The following CUX1 variants were observed in gnomAD, a reference collection of about 807,000 sequenced individuals.
The protein encoded by CUX1 is protein CASP.
CUX1 carries 31 observed loss-of-function variants against 158.8 expected under a neutral mutation model. The observed-to-expected ratio is 0.20, with a 90% CI of 0.15 to 0.26. The LOEUF (loss-of-function observed/expected upper bound fraction) is 0.26. Ranked by LOEUF, CUX1 falls within the 10% of genes least tolerant of loss-of-function variation. The probability of loss-of-function intolerance (pLI) is 1.00; values close to 1 mark genes in which losing one functional copy is unlikely to be tolerated. For missense variants in CUX1, 1,589 were observed against 2,014.6 expected (o/e 0.79, Z 4.04); for synonymous variants, 879 against 862.1 (o/e 1.02, Z -0.34).
intron 10 of CUX1, among the ~76,000 whole-genome samples, chr7:102,177,363 G>A (rs1554512278): frequency 1.3e-5 from 2 of 150,002 alleles, no homozygotes; most frequent in African/African-American, 2.5e-5. Context: ...ACAGTGAGCC[G>A]AGATCGCGCC....
In CUX1 at chr7:101,850,908, C is replaced by T. The variant is rs560760650; in HGVS notation, c.30+33239C>T. 2.9e-4 allele frequency among the ~76,000 whole-genome samples: 44 copies of T among 152,124 alleles called. 2 individuals are homozygous for T. The South Asian group carries it at 9.0e-3, about 31-fold the overall frequency. On this transcript the variant is annotated intron_variant, in intron 1 of 23. Coordinates refer to ENST00000292535, the MANE Select transcript of CUX1 (RefSeq NM_181552.4). ...GAGGCCAGGAGCTCTTGACTAGCCT[C>T]GGCAACATTGCAAAACTCTGTCTCT... is the stretch of plus-strand genomic sequence containing the variant.
At position 102,201,616 on chromosome 7, in the gene CUX1, C is replaced by A. The variant is rs782489268; in HGVS notation, c.2319C>A (p.Ala773=). The change falls in exon 18 of 24, where the codon GCC becomes GCA. Residue 773 remains alanine, a synonymous_variant. Transcript: ENST00000292535. The surrounding 1 kb of genome is among the most constrained non-coding windows in gnomAD (Gnocchi z 5.0). ...SLKKPSAAPE[A]GASALPNPPA... is the part of the protein sequence containing the mutation. ...AGAAGCCCTCCGCAGCTCCTGAGGCCGGTGCCTCTGCTCTGCCGAACCCCC... is the reference window on the plus strand; with the variant it reads ...AGAAGCCCTCCGCAGCTCCTGAGGCAGGTGCCTCTGCTCTGCCGAACCCCC... 3 of 1,613,868 alleles carry A rather than the reference C, an allele frequency of 1.9e-6. No individual in the cohort carries two copies. The African/African-American group carries it at 4.0e-5, about 22-fold the overall frequency.
intron 9 of CUX1, among the ~76,000 whole-genome samples, chr7:102,166,662 A>G (rs1208664835): frequency 6.6e-6 from 1 of 152,196 alleles, no homozygotes; most frequent in Non-Finnish European, 1.5e-5. Flanking sequence ...AATTTATCCC[A>G]GCTCCAGATC....
chr7:101,919,763 A>G (rs1382601516), intron 2 of CUX1, among the ~76,000 whole-genome samples: 1 of 152,220 alleles, frequency 6.6e-6, no homozygotes, highest in Non-Finnish European at 1.5e-5. Flanking sequence ...TTCACCTTCT[A>G]GACTGGCCCT....
chr7:101,975,427 T>C (rs1198097179), intron 2 of CUX1, among the ~76,000 whole-genome samples: 2 of 152,004 alleles, frequency 1.3e-5, no homozygotes, highest in African/African-American at 2.4e-5. Context: ...CATGGTGGCA[T>C]GTGCTTGTAG....
chr7:101,854,026 T>C (rs1366518181), intron 1 of CUX1, among the ~76,000 whole-genome samples: 1 of 152,214 alleles, frequency 6.6e-6, no homozygotes, highest in Non-Finnish European at 1.5e-5. Flanking sequence ...GCTTCGGCTT[T>C]CCAGTGCTTT....
intron 1 of CUX1, among the ~76,000 whole-genome samples, chr7:101,913,699 G>C (rs2129080943): frequency 6.6e-6 from 1 of 152,252 alleles, no homozygotes; most frequent in South Asian, 2.1e-4. Context: ...CCACCGATTG[G>C]GTAACCGCCC....
chr7:102,227,951 CTTTTTT>C (rs781968632), intron 21 of CUX1, among the ~76,000 whole-genome samples: 4 of 117,302 alleles, frequency 3.4e-5, no homozygotes, highest in Non-Finnish European at 6.7e-5. Context: ...TCTTTTTTTT[CTTTTTT>C]TTTTTTTTTT....
intron 8 of CUX1, among the ~76,000 whole-genome samples, chr7:102,137,642 A>G (rs1834051125): frequency 6.6e-6 from 1 of 152,004 alleles, no homozygotes; most frequent in African/African-American, 2.4e-5. Context: ...GTCAAAAAAG[A>G]AAAAGGTAAT....
At position 101,979,646 on chromosome 7, in the gene CUX1, C is replaced by CTTTCTTT. The variant is rs768365221; in HGVS notation, c.142-48441_142-48435dup. Among the ~76,000 whole-genome samples the CTTTCTTT allele has an allele frequency of 1.9e-4, 29 of 151,868 alleles. 1 individual carries two copies. The East Asian group carries it at 3.3e-3, about 17-fold the overall frequency. On this transcript the variant is annotated intron_variant, in intron 2 of 23. Transcript: ENST00000292535. ...CCCCTTGGCAGGGCTCAGGTGTTTT[C>CTTTCTTT]TTTCTTTTTTCTTTTTTTTTTGAGA...
Position 101,849,772 on chromosome 7 carries a change from G to C in CUX1, c.30+32103G>C, listed in dbSNP as rs568414712. ...AATCATCACACTGTCTTCTATAATG[G>C]CTGAACTAATTTACACTCCCACCAA... On this transcript the variant is annotated intron_variant, in intron 1 of 23. Transcript: ENST00000292535. Among the ~76,000 whole-genome samples the C allele has an allele frequency of 3.9e-5, 6 of 152,124 alleles. No individual in the cohort carries two copies. In the East Asian group the frequency reaches 1.2e-3, roughly 29 times the overall value.
intron 1 of CUX1, among the ~76,000 whole-genome samples, chr7:101,833,948 G>A (rs1794344467): frequency 1.3e-5 from 2 of 152,062 alleles, no homozygotes; most frequent in Non-Finnish European, 2.9e-5. Flanking sequence ...GTGTTCACAC[G>A]AGTACCGAGT....
intron 1 of CUX1, among the ~76,000 whole-genome samples, chr7:101,901,952 A>C (rs2131753291): frequency 6.6e-6 from 1 of 152,356 alleles, no homozygotes. Flanking sequence ...TTAAAGGCTT[A>C]TTTCTGAAAC....
chr7:102,142,858 G>C (rs1034661500), intron 8 of CUX1, among the ~76,000 whole-genome samples: 17 of 151,652 alleles, frequency 1.1e-4, no homozygotes, highest in Admixed American at 1.1e-3. Flanking sequence ...TGAGTTCAAG[G>C]CTGCAGTGAG....
At chr7:102,177,413 CAAA>C (rs1219318950) in intron 10 of CUX1, among the ~76,000 whole-genome samples, 18 of 106,094 alleles carry the variant, frequency 1.7e-4, no homozygotes, top group Admixed American at 3.2e-4. Context: ...AACTCTATCT[CAAA>C]AAAAAAAAAA....
intron 2 of CUX1, among the ~76,000 whole-genome samples, chr7:101,941,214 A>G (rs961349011): frequency 2.6e-5 from 4 of 152,018 alleles, no homozygotes; most frequent in Non-Finnish European, 2.9e-5. Context: ...CACTGGGAGG[A>G]GGGCGGGTTG....
intron 9 of CUX1, among the ~76,000 whole-genome samples, chr7:102,159,169 T>C (rs1790122816): frequency 6.6e-6 from 1 of 150,590 alleles, no homozygotes; most frequent in African/African-American, 2.4e-5. Context: ...CACCACGGTG[T>C]TATCCTCGGA....
chr7:102,034,144 T>TAAAAAAA (rs1231592881), intron 3 of CUX1, among the ~76,000 whole-genome samples: 2 of 2,946 alleles, frequency 6.8e-4, no homozygotes, highest in Non-Finnish European at 9.2e-4. Flanking sequence ...AGACTCCATC[T>TAAAAAAA]CAAAAAAAAA....
intron 12 of CUX1, among the ~76,000 whole-genome samples, chr7:102,192,119 C>G (rs1794342707): frequency 6.6e-6 from 1 of 152,210 alleles, no homozygotes; most frequent in African/African-American, 2.4e-5. Flanking sequence ...CTCTTGAGCT[C>G]TTGCCCGCGT....
Sources: allele counts gnomAD v4.1 joint callset (sites outside exome capture counted in the v4.1 genomes callset), GRCh38; gene constraint gnomAD v4.1.1; non-coding constraint Gnocchi (gnomAD v3.1); transcripts MANE v1.5; gene names NCBI Gene and HGNC (gene_info 2026-07-23, HGNC 2026-07-21).